Variants in FRMD5 observed in about 807,000 individuals in gnomAD.
FRMD5 encodes the protein FERM domain containing 5, also known as FERM domain-containing protein 5.
FRMD5 carries 20 observed loss-of-function variants against 69.0 expected under a neutral mutation model. That is an observed-to-expected ratio of 0.29 (90% CI 0.20 to 0.42). The LOEUF (loss-of-function observed/expected upper bound fraction) is 0.42. Ranked by LOEUF, FRMD5 falls within the 10% of genes least tolerant of loss-of-function variation. FRMD5 has a pLI of 1.00. For missense variants in FRMD5, 595 were observed against 708.6 expected (o/e 0.84, Z 1.82); for synonymous variants, 271 against 260.1 (o/e 1.04, Z -0.40).
intron 12 of FRMD5, among the ~76,000 whole-genome samples, chr15:43,884,409 G>A (rs908010551): frequency 7.2e-5 from 11 of 152,280 alleles, no homozygotes; most frequent in African/African-American, 2.6e-4. Flanking sequence ...TCATATGATC[G>A]ACTGGTTCCA....
chr15:44,147,979 A>C (rs933488781), intron 1 of FRMD5, among the ~76,000 whole-genome samples: 7 of 152,122 alleles, frequency 4.6e-5, no homozygotes, highest in African/African-American at 1.7e-4. Flanking sequence ...GCTGCTTCTG[A>C]CCACAATATC....
chr15:44,179,482 C>T (rs1013354032), intron 1 of FRMD5, among the ~76,000 whole-genome samples: 6 of 152,116 alleles, frequency 3.9e-5, no homozygotes, highest in Non-Finnish European at 5.9e-5. Context: ...AATCAATTCC[C>T]GAGAACCTGA....
intron 1 of FRMD5, among the ~76,000 whole-genome samples, chr15:44,136,399 C>T (rs2077186161): frequency 6.6e-6 from 1 of 152,140 alleles, no homozygotes; most frequent in Non-Finnish European, 1.5e-5. Context: ...AGAACCCTTT[C>T]ACAAAGATGG....
At chr15:43,949,267 T>G (rs2089991677) in intron 1 of FRMD5, among the ~76,000 whole-genome samples, 2 of 152,218 alleles carry the variant, frequency 1.3e-5, no homozygotes, top group South Asian at 4.1e-4. Flanking sequence ...ACTCCTTCCC[T>G]TCCCCTCAGT....
intron 1 of FRMD5, among the ~76,000 whole-genome samples, chr15:43,981,813 T>C (rs555513167): frequency 6.6e-6 from 1 of 152,348 alleles, no homozygotes; most frequent in Admixed American, 6.5e-5. Flanking sequence ...CGAGTTGTCT[T>C]CTGTGAAATT....
intron 1 of FRMD5, among the ~76,000 whole-genome samples, chr15:44,161,888 G>A (rs117724523): frequency 0.019 from 2,921 of 152,244 alleles, 43 homozygotes; most frequent in Non-Finnish European, 0.028. Flanking sequence ...CCATCTTTAT[G>A]AGCCTTATGT....
At chr15:44,163,853 G>A (rs1309142446) in intron 1 of FRMD5, among the ~76,000 whole-genome samples, 1 of 152,170 alleles carries the variant, frequency 6.6e-6, no homozygotes, top group African/African-American at 2.4e-5. Flanking sequence ...CATGGGGAGA[G>A]TGTGCAGCTG....
In FRMD5 at chr15:43,870,842, G is replaced by C. The variant is rs1044994509; in HGVS notation, c.*3043C>G. Reference sequence around the variant, plus strand: ...TTTATGCTAACTACATACTGCATATGTAGAAAAAAGTACATTGCTTTGAAG... The same window carrying C: ...TTTATGCTAACTACATACTGCATATCTAGAAAAAAGTACATTGCTTTGAAG... On this transcript the variant is annotated 3_prime_UTR_variant, in exon 14 of 14. Coordinates refer to ENST00000417257, the MANE Select transcript of FRMD5 (RefSeq NM_032892.5). The C allele has an allele frequency of 2.0e-5, 3 of 152,138 alleles. No individual in the cohort carries two copies. Among genetic ancestry groups the C allele is most frequent in the African/African-American group, 7.2e-5 (3 of 41,442 alleles). The allele number at this position is 152,138 out of a possible 1,614,324, so 9.4% of individuals were successfully genotyped here. A position where few individuals can be genotyped will look rare whatever the true frequency, so the allele number is the denominator to read the frequency against.
In FRMD5 at chr15:44,195,069, G is replaced by T. The variant is rs1595580557; in HGVS notation, c.-15C>A. 1 of 1,096,246 alleles carries T rather than the reference G, an allele frequency of 9.1e-7. No individual in the cohort carries two copies. The highest frequency in any genetic ancestry group is 1.3e-6 in the Non-Finnish European group (1 of 795,198). 67.9% of individuals were successfully genotyped at this position (1,096,246 alleles called of 1,614,324 possible). A position where few individuals can be genotyped will look rare whatever the true frequency, so the allele number is the denominator to read the frequency against. On this transcript the variant is annotated 5_prime_UTR_variant, in exon 1 of 14. Coordinates refer to ENST00000417257, the MANE Select transcript of FRMD5 (RefSeq NM_032892.5). ...CTGCTCAGCATCTTCCCGCCCGCCC[G>T]CCCGGGAGCGACGCGGCGGCGCTGC...
chr15:43,934,355 C>A (rs543149028), intron 1 of FRMD5, among the ~76,000 whole-genome samples: 112 of 152,324 alleles, frequency 7.4e-4, no homozygotes, highest in Middle Eastern at 6.8e-3. Flanking sequence ...CAAATAATCT[C>A]ATGTCCTCTT....
chr15:43,918,963 T>C (rs886309796), intron 4 of FRMD5: 4 of 245,256 alleles, frequency 1.6e-5, no homozygotes, highest in African/African-American at 4.5e-5. Flanking sequence ...ATCCCCACAA[T>C]AGTTTATCAC....
At chr15:43,991,024 A>T (rs1889649987) in intron 1 of FRMD5, among the ~76,000 whole-genome samples, 2 of 152,224 alleles carry the variant, frequency 1.3e-5, no homozygotes, top group Admixed American at 6.5e-5. Context: ...AGAGCTCTGT[A>T]ATTTTCTTTC....
intron 1 of FRMD5, among the ~76,000 whole-genome samples, chr15:44,093,514 T>C (rs561859694): frequency 6.6e-6 from 1 of 152,092 alleles, no homozygotes; most frequent in Non-Finnish European, 1.5e-5. Context: ...ATCCATTAGA[T>C]TATGCAAAAG....
intron 1 of FRMD5, among the ~76,000 whole-genome samples, chr15:44,111,217 C>G (rs1414912405): frequency 6.6e-6 from 1 of 152,174 alleles, no homozygotes; most frequent in African/African-American, 2.4e-5. Context: ...TCCTGAACAT[C>G]TGGCCTTCCA....
At chr15:43,943,209 T>C (rs1337251726) in intron 1 of FRMD5, among the ~76,000 whole-genome samples, 1 of 152,010 alleles carries the variant, frequency 6.6e-6, no homozygotes. Context: ...GCCATTGCAC[T>C]CCAGCCTGGG....
chr15:43,983,737 T>C (rs951189659), intron 1 of FRMD5, among the ~76,000 whole-genome samples: 1 of 152,148 alleles, frequency 6.6e-6, no homozygotes, highest in Non-Finnish European at 1.5e-5. Context: ...ACAAAAATTT[T>C]GGAATCAGAA....
chr15:43,956,945 T>C (rs1566860622), intron 1 of FRMD5, among the ~76,000 whole-genome samples: 1 of 152,220 alleles, frequency 6.6e-6, no homozygotes, highest in Non-Finnish European at 1.5e-5. Context: ...AATGAAGATT[T>C]ACCATCATCT....
chr15:44,129,780 T>G (rs2077073139), intron 1 of FRMD5, among the ~76,000 whole-genome samples: 1 of 152,140 alleles, frequency 6.6e-6, no homozygotes, highest in African/African-American at 2.4e-5. Flanking sequence ...TCTCCAATTT[T>G]CACAGTCATT....
At position 43,919,559 on chromosome 15, in the gene FRMD5, C is replaced by T. The variant is rs752892816; in HGVS notation, c.251-22G>A. On this transcript the variant is annotated intron_variant, in intron 3 of 13. Coordinates refer to ENST00000417257, the MANE Select transcript of FRMD5 (RefSeq NM_032892.5). ...TGGGCTGCAGAGAAAAAGAGGTGCT[C>T]ATCAGGGAAGACTCTCACCCAGAAG... The T allele has an allele frequency of 3.1e-6, 5 of 1,611,840 alleles. No homozygotes were observed. The African/African-American group carries it at 5.3e-5, about 17-fold the overall frequency.
Sources: allele counts gnomAD v4.1 joint callset (sites outside exome capture counted in the v4.1 genomes callset), GRCh38; gene constraint gnomAD v4.1.1; transcripts MANE v1.5; gene names NCBI Gene and HGNC (gene_info 2026-07-23, HGNC 2026-07-21).